BCO2: variants seen among roughly 807,000 people sequenced by gnomAD.
BCO2 encodes the protein beta-carotene oxygenase 2.
In BCO2, 56 loss-of-function variants were observed where a neutral mutation model predicts 65.8. The observed-to-expected ratio is 0.85, with a 90% CI of 0.69 to 1.06. The LOEUF (loss-of-function observed/expected upper bound fraction) is 1.06, where lower values mean the gene tolerates loss of function less well. Ranked by LOEUF, BCO2 falls within the 50% of genes least tolerant of loss-of-function variation. The pLI is 0.00. For synonymous variants in BCO2, 233 were observed against 242.3 expected, an observed-to-expected ratio of 0.96 and a Z score of 0.36; for missense variants, 675 against 698.5, an observed-to-expected ratio of 0.97 and a Z score of 0.38.
intron 8 of BCO2, among the ~76,000 whole-genome samples, chr11:112,207,405 A>T (rs1424776239): frequency 6.6e-6 from 1 of 152,170 alleles, no homozygotes; most frequent in African/African-American, 2.4e-5. Flanking sequence ...TACGTTGTAC[A>T]TCTTGTTTTA....
At chr11:112,204,834 G>C (rs1410160876) in intron 8 of BCO2, among the ~76,000 whole-genome samples, 2 of 151,858 alleles carry the variant, frequency 1.3e-5, no homozygotes, top group African/African-American at 4.8e-5. Flanking sequence ...CACCATGCCC[G>C]TTGTATTTTT....
intron 2 of BCO2, chr11:112,183,171 A>T: frequency 1.9e-6 from 2 of 1,049,174 alleles, no homozygotes; most frequent in Non-Finnish European, 3.0e-6. Context: ...ACCACTATAC[A>T]TGTCACAAAG....
intron 8 of BCO2, among the ~76,000 whole-genome samples, chr11:112,210,070 T>G (rs2042045296): frequency 6.6e-6 from 1 of 152,220 alleles, no homozygotes; most frequent in African/African-American, 2.4e-5. Context: ...AATTCAACAG[T>G]AAAGCCTTCC....
At chr11:112,198,685 T>C (rs551512737) in intron 5 of BCO2, among the ~76,000 whole-genome samples, 1 of 152,116 alleles carries the variant, frequency 6.6e-6, no homozygotes, top group South Asian at 2.1e-4. Flanking sequence ...AGATGAATGA[T>C]TGCATGAAAG....
chr11:112,201,578 T>C (rs10891340), intron 7 of BCO2, among the ~76,000 whole-genome samples: 19,494 of 152,216 alleles, frequency 0.13, 1,454 homozygotes, highest in East Asian at 0.39. Flanking sequence ...TCTAAAGAGA[T>C]AGTATCTTAA....
intron 8 of BCO2, among the ~76,000 whole-genome samples, chr11:112,203,326 A>C (rs1400740637): frequency 6.6e-6 from 1 of 152,184 alleles, no homozygotes; most frequent in African/African-American, 2.4e-5. Context: ...TACTAAGCTT[A>C]CTTATAGCTT....
At chr11:112,186,022 CCTT>C in intron 2 of BCO2, among the ~76,000 whole-genome samples, 1 of 152,200 alleles carries the variant, frequency 6.6e-6, no homozygotes, top group Non-Finnish European at 1.5e-5. Context: ...TGATCATGGT[CCTT>C]CTGTGCCTCT....
At chr11:112,204,068 G>T (rs927009961) in intron 8 of BCO2, among the ~76,000 whole-genome samples, 5 of 152,078 alleles carry the variant, frequency 3.3e-5, no homozygotes, top group African/African-American at 1.2e-4. Context: ...TGGCCAGGCT[G>T]GTCTCTAACT....
intron 2 of BCO2, among the ~76,000 whole-genome samples, chr11:112,184,647 T>C (rs1867150481): frequency 6.6e-6 from 1 of 152,152 alleles, no homozygotes; most frequent in Non-Finnish European, 1.5e-5. Context: ...CAAGATGTAA[T>C]ACCAATCAGT....
intron 2 of BCO2, chr11:112,181,251 G>C (rs112933580): frequency 1.2e-4 from 72 of 614,654 alleles, no homozygotes; most frequent in South Asian, 1.1e-3. Context: ...GCGGGATCTC[G>C]GCTCACTGCA....
At chr11:112,180,812 A>G in intron 2 of BCO2, 1 of 1,043,872 alleles carries the variant, frequency 9.6e-7, no homozygotes, top group Non-Finnish European at 1.5e-6. Context: ...CAGCCCCAAG[A>G]ACGGAAAGGT....
In BCO2 at chr11:112,200,598, G is replaced by A. The variant is rs776051647; in HGVS notation, c.866-15G>A. The A allele has an allele frequency of 4.4e-6, 7 of 1,590,264 alleles. No individual in the cohort carries two copies. The South Asian group carries it at 6.8e-5, about 16-fold the overall frequency. ...TTGCCAAATAACATTTTTATTGTTT[G>A]CTGGAACCTTTTAGGAATGACAAGG... On this transcript the variant is annotated splice_polypyrimidine_tract_variant and intron_variant, in intron 6 of 11. Transcript: ENST00000357685.
chr11:112,188,823 G>T (rs536451178), intron 2 of BCO2, among the ~76,000 whole-genome samples: 1 of 149,906 alleles, frequency 6.7e-6, no homozygotes, highest in Non-Finnish European at 1.5e-5. Context: ...TTATGTGCCT[G>T]TAAGTGCTGA....
chr11:112,208,251 C>T (rs1896943), intron 8 of BCO2, among the ~76,000 whole-genome samples: 57,587 of 151,976 alleles, frequency 0.38, 11,271 homozygotes, highest in South Asian at 0.6. Context: ...AATGAGTCAC[C>T]GCACCTGGCC....
At chr11:112,177,460 C>T (rs750088763) in intron 1 of BCO2, among the ~76,000 whole-genome samples, 2 of 152,166 alleles carry the variant, frequency 1.3e-5, no homozygotes, top group African/African-American at 4.8e-5. Context: ...AACACAGTGT[C>T]AGTGATCTGT....
intron 8 of BCO2, among the ~76,000 whole-genome samples, chr11:112,212,399 C>A (rs904274434): frequency 6.6e-6 from 1 of 152,112 alleles, no homozygotes; most frequent in African/African-American, 2.4e-5. Flanking sequence ...ACTTTGGGAG[C>A]CCAAGGCAGG....
chr11:112,189,501 G>A (rs1867307840), intron 2 of BCO2, among the ~76,000 whole-genome samples: 2 of 151,474 alleles, frequency 1.3e-5, no homozygotes, highest in African/African-American at 4.9e-5. Flanking sequence ...CACCTCCCGG[G>A]TTCATGCCAT....
intron 5 of BCO2, among the ~76,000 whole-genome samples, chr11:112,195,686 C>T (rs772127768): frequency 4.0e-4 from 60 of 150,648 alleles, no homozygotes; most frequent in Non-Finnish European, 7.8e-4. Context: ...TCAAGTGATC[C>T]GTCTGCCTCG....
At chr11:112,209,488 T>C (rs1420881600) in intron 8 of BCO2, among the ~76,000 whole-genome samples, 2 of 152,244 alleles carry the variant, frequency 1.3e-5, no homozygotes, top group African/African-American at 4.8e-5. Context: ...TCTTGGTTGG[T>C]TCCAATTCTT....
Sources: gnomAD v4.1 joint callset for allele counts (sites outside exome capture counted in the v4.1 genomes callset) on GRCh38, gnomAD v4.1.1 for gene constraint, MANE v1.5 for transcripts, NCBI Gene and HGNC (gene_info 2026-07-23, HGNC 2026-07-21) for gene names.